ZMYM2: variants seen among roughly 807,000 people sequenced by gnomAD.
The protein encoded by ZMYM2 is zinc finger MYM-type containing 2.
Under a neutral mutation model 162.8 loss-of-function variants are expected in ZMYM2, and 56 were observed. The observed-to-expected ratio is 0.34, with a 90% CI of 0.28 to 0.43. The LOEUF is 0.43. Ranked by LOEUF, ZMYM2 falls within the 20% of genes least tolerant of loss-of-function variation. The pLI is 1.00. For synonymous variants in ZMYM2, 510 were observed against 541.6 expected (o/e 0.94, Z 0.81); for missense variants, 1,275 against 1,621.8 (o/e 0.79, Z 3.67).
chr13:19,904,252 G>GT, the ZMYM2 span, among the ~76,000 whole-genome samples: 26 of 151,996 alleles, frequency 1.7e-4, no homozygotes, highest in Non-Finnish European at 3.4e-4. Context: ...TATGTCACTG[G>GT]TTTTTTAAAA....
In ZMYM2 at chr13:20,027,246, T is replaced by C; in HGVS notation, c.1779T>C (p.Pro593=). ...ATTTTTGTAAGCGAAACTCTTTACC[T>C]CAATACCAAGCCACAATGCCTGATG... ...ICHFCKRNSL[P]QYQATMPDGK... The change falls in exon 9 of 25, where the codon CCT becomes CCC. Residue 593 remains proline, a synonymous_variant. Transcript: ENST00000610343. The C allele has an allele frequency of 6.3e-7, 1 of 1,585,786 alleles. No individual in the cohort carries two copies. The highest frequency in any genetic ancestry group is 1.8e-5 in the Admixed American group (1 of 56,384).
At chr13:19,864,469 C>A in the ZMYM2 span, 1 of 154,584 alleles carries the variant, frequency 6.5e-6, no homozygotes, top group Non-Finnish European at 1.5e-5. Context: ...GTCCGCGGGG[C>A]AGTACTGGTC....
chr13:19,984,869 A>T lies in ZMYM2; in HGVS notation c.-10-8194A>T, dbSNP rs139440084. On this transcript the variant is annotated intron_variant, in intron 2 of 24. Transcript: ENST00000610343. ...TAGGCTACACTATTTTCTTCTAAGG[A>T]GATCGAATTGACACATAGCAGCCAC... 5.3e-5 allele frequency among the ~76,000 whole-genome samples: 8 copies of T among 152,308 alleles called. No homozygotes were observed. In the East Asian group the frequency reaches 1.5e-3, roughly 29 times the overall value.
chr13:19,951,993 C>A, the ZMYM2 span, among the ~76,000 whole-genome samples: 1 of 151,986 alleles, frequency 6.6e-6, no homozygotes. Flanking sequence ...TGTAAGTGTC[C>A]ATCAACAGAT....
the ZMYM2 span, among the ~76,000 whole-genome samples, chr13:19,879,014 T>G: frequency 6.6e-6 from 1 of 152,218 alleles, no homozygotes; most frequent in African/African-American, 2.4e-5. Context: ...ATTTGTCAAT[T>G]TTTTCTCCTG....
intron 6 of ZMYM2, 30 bp from the exon 7 acceptor site, chr13:20,019,517 T>C (rs1248164407): frequency 6.5e-7 from 1 of 1,538,884 alleles, no homozygotes; most frequent in Non-Finnish European, 8.8e-7. Context: ...TTTATGTGTG[T>C]TTATAAAGTC....
chr13:19,955,656 C>T (rs1485680475), upstream of ZMYM2, among the ~76,000 whole-genome samples: 1 of 152,014 alleles, frequency 6.6e-6, no homozygotes, highest in African/African-American at 2.4e-5. Flanking sequence ...GAGTCTTGCT[C>T]TGTTGCCCAG....
intron 2 of ZMYM2, among the ~76,000 whole-genome samples, chr13:19,980,911 A>G (rs1957261904): frequency 6.6e-6 from 1 of 152,004 alleles, no homozygotes; most frequent in African/African-American, 2.4e-5. Flanking sequence ...TCTTTATGTT[A>G]TTGAATCTTG....
At chr13:19,991,941 T>C (rs984299261) in intron 2 of ZMYM2, among the ~76,000 whole-genome samples, 4 of 152,148 alleles carry the variant, frequency 2.6e-5, no homozygotes, top group Non-Finnish European at 5.9e-5. Context: ...GCATGTCTTT[T>C]ATAAGGGTAC....
chr13:20,051,663 C>G, intron 13 of ZMYM2, 65 bp downstream of exon 13: 3 of 1,446,148 alleles, frequency 2.1e-6, no homozygotes, highest in East Asian at 2.4e-5. Context: ...GTTTTGAATC[C>G]AAAGCACTGA....
At chr13:19,945,426 A>AT in the ZMYM2 span, among the ~76,000 whole-genome samples, 7 of 151,906 alleles carry the variant, frequency 4.6e-5, no homozygotes, top group Admixed American at 6.6e-5. Context: ...TAATTTTCCT[A>AT]TTTTTAGTAG....
At chr13:19,987,456 G>A (rs1461056764) in intron 2 of ZMYM2, among the ~76,000 whole-genome samples, 2 of 151,952 alleles carry the variant, frequency 1.3e-5, no homozygotes, top group East Asian at 1.9e-4. Flanking sequence ...GTAGAGATGG[G>A]GTTTCACTGT....
intron 6 of ZMYM2, among the ~76,000 whole-genome samples, chr13:20,011,764 T>C (rs1427608245): frequency 6.6e-6 from 1 of 151,490 alleles, no homozygotes; most frequent in Non-Finnish European, 1.5e-5. Flanking sequence ...TTTTTTTCTT[T>C]TTTGAGATGG....
intron 2 of ZMYM2, among the ~76,000 whole-genome samples, chr13:19,984,548 A>G (rs1948985171): frequency 6.6e-6 from 1 of 152,242 alleles, no homozygotes; most frequent in African/African-American, 2.4e-5. Flanking sequence ...GGAAACTCAG[A>G]TAAGTTATTT....
the ZMYM2 span, among the ~76,000 whole-genome samples, chr13:19,922,362 T>A: frequency 5.3e-5 from 8 of 152,304 alleles, no homozygotes; most frequent in South Asian, 1.5e-3. Flanking sequence ...TATAGTGTCC[T>A]GCGCGGCATT....
the ZMYM2 span, among the ~76,000 whole-genome samples, chr13:19,875,249 C>T: frequency 1.5e-4 from 23 of 152,062 alleles, no homozygotes; most frequent in South Asian, 1.0e-3. Context: ...GATGTGCCAC[C>T]CGCAAACCTT....
At chr13:19,901,244 T>G in the ZMYM2 span, among the ~76,000 whole-genome samples, 1 of 152,028 alleles carries the variant, frequency 6.6e-6, no homozygotes, top group Non-Finnish European at 1.5e-5. Flanking sequence ...ATTCAACCCA[T>G]AACACCATAT....
intron 7 of ZMYM2, among the ~76,000 whole-genome samples, chr13:20,021,277 ACTGTTTTCATATCTGCCATTTCTAGAT>A: frequency 6.7e-6 from 1 of 149,308 alleles, no homozygotes; most frequent in African/African-American, 2.5e-5. Context: ...GCCCGGCCTT[ACTGTTTTCATATCTGCCATTTCTAGAT>A]CTGTTTCTAT....
the ZMYM2 span, among the ~76,000 whole-genome samples, chr13:19,893,003 A>AATAC: frequency 6.6e-6 from 1 of 151,446 alleles, no homozygotes; most frequent in African/African-American, 2.4e-5. Context: ...GTGAGCCACC[A>AATAC]TGCCTGGCCG....
Sources: allele counts gnomAD v4.1 joint callset (sites outside exome capture counted in the v4.1 genomes callset), GRCh38; gene constraint gnomAD v4.1.1; transcripts MANE v1.5; gene names NCBI Gene and HGNC (gene_info 2026-07-23, HGNC 2026-07-21).